Variants in UGT1A9 observed in about 807,000 individuals in gnomAD.
The protein encoded by UGT1A9 is UDP glucuronosyltransferase family 1 member A9.
Under a neutral mutation model 45.0 loss-of-function variants are expected in UGT1A9, and 35 were observed. The ratio of observed to expected loss-of-function variants is 0.78; its 90% CI spans 0.59 to 1.03. UGT1A9 has a LOEUF of 1.03. UGT1A9 is among the 50% of genes least tolerant of loss of function. The pLI is 0.00. For synonymous variants in UGT1A9, 278 were observed against 250.6 expected, an observed-to-expected ratio of 1.11 and a Z score of -1.03; for missense variants, 687 against 666.6, an observed-to-expected ratio of 1.03 and a Z score of -0.34.
At chr2:233,674,164 T>C (rs1433240728) in intron 1 of UGT1A9, among the ~76,000 whole-genome samples, 3 of 152,194 alleles carry the variant, frequency 2.0e-5, no homozygotes, top group African/African-American at 7.2e-5. Flanking sequence ...GGTAACACAG[T>C]CATATTCTCT....
intron 1 of UGT1A9, among the ~76,000 whole-genome samples, chr2:233,689,674 A>G (rs1426137684): frequency 6.6e-6 from 1 of 152,186 alleles, no homozygotes; most frequent in Non-Finnish European, 1.5e-5. Flanking sequence ...AGAACAAAGA[A>G]TGGCTGTCAG....
At chr2:233,729,752 A>G in intron 1 of UGT1A9, 1 of 1,614,000 alleles carries the variant, frequency 6.2e-7, no homozygotes, top group African/African-American at 1.3e-5. Context: ...ACATTCATGC[A>G]AAGGGTCAAG....
intron 4 of UGT1A9, chr2:233,771,016 A>C (rs1281561140): frequency 2.0e-5 from 3 of 152,186 alleles, no homozygotes; most frequent in African/African-American, 7.2e-5. Flanking sequence ...AGCAGGAGCG[A>C]GAGAGAGTTG....
At chr2:233,714,970 A>G (rs1219636943) in intron 1 of UGT1A9, among the ~76,000 whole-genome samples, 1 of 152,130 alleles carries the variant, frequency 6.6e-6, no homozygotes, top group Non-Finnish European at 1.5e-5. Context: ...TCCACCTCCC[A>G]GGTTCAACTG....
At position 233,672,275 on chromosome 2, in the gene UGT1A9, A is replaced by G; in HGVS notation, c.341A>G (p.Asn114Ser). ...SIYSLLMGSY[N>S]DIFDLFFSNC... ...TATTCTCTATTAATGGGTTCATACA[A>G]TGACATTTTTGACTTATTTTTTTCA... The change falls in exon 1 of 5, where the codon AAT (asparagine) becomes AGT (serine). Residue 114 changes from asparagine (N) to serine (S), a missense_variant. Coordinates refer to ENST00000354728, the MANE Select transcript of UGT1A9 (RefSeq NM_021027.3). 1 of 1,613,916 alleles carries G rather than the reference A, an allele frequency of 6.2e-7. No individual in the cohort carries two copies. Among genetic ancestry groups the G allele is most frequent in the Non-Finnish European group, 8.5e-7 (1 of 1,179,824 alleles).
intron 1 of UGT1A9, among the ~76,000 whole-genome samples, chr2:233,710,360 T>C (rs1335672685): frequency 6.6e-6 from 1 of 152,254 alleles, no homozygotes; most frequent in Non-Finnish European, 1.5e-5. Flanking sequence ...AAAGCAGTTA[T>C]ACAATTTTAC....
intron 1 of UGT1A9, among the ~76,000 whole-genome samples, chr2:233,694,315 T>C (rs74562873): frequency 6.6e-6 from 1 of 151,936 alleles, no homozygotes; most frequent in Non-Finnish European, 1.5e-5. Flanking sequence ...TTTTTTTTTT[T>C]CCTTTTATGT....
At chr2:233,710,438 C>T (rs1483320270) in intron 1 of UGT1A9, among the ~76,000 whole-genome samples, 4 of 152,172 alleles carry the variant, frequency 2.6e-5, no homozygotes, top group African/African-American at 9.7e-5. Flanking sequence ...TATTTTTAGT[C>T]TTTTACATTT....
chr2:233,724,960 GCCGAGGTTGGCGGAT>G (rs567349076), intron 1 of UGT1A9, among the ~76,000 whole-genome samples: 4,803 of 144,840 alleles, frequency 0.033, 234 homozygotes, highest in African/African-American at 0.051. Context: ...ACCTCGGGAG[GCCGAGGTTGGCGGAT>G]CACTCGCGGT....
intron 1 of UGT1A9, among the ~76,000 whole-genome samples, chr2:233,675,505 A>G (rs1403446519): frequency 1.3e-5 from 2 of 152,190 alleles, no homozygotes; most frequent in African/African-American, 4.8e-5. Context: ...ATGGTTACAG[A>G]TAAATAAGAG....
At chr2:233,730,481 T>A (rs1335220137) in intron 1 of UGT1A9, among the ~76,000 whole-genome samples, 1 of 152,146 alleles carries the variant, frequency 6.6e-6, no homozygotes, top group Non-Finnish European at 1.5e-5. Context: ...GGCACTCACA[T>A]GAAATAGAAG....
intron 1 of UGT1A9, among the ~76,000 whole-genome samples, chr2:233,716,593 A>G (rs17874943): frequency 0.1 from 15,436 of 152,206 alleles, 900 homozygotes; most frequent in East Asian, 0.2. Flanking sequence ...AAGAGCAAAA[A>G]TTTTAGAATT....
In UGT1A9 at chr2:233,769,857, CAA is replaced by C. The variant is rs879204025; in HGVS notation, c.1295+1434_1295+1435del. The C allele has an allele frequency of 0.032, 7,144 of 220,908 alleles. No individual in the cohort carries two copies. The highest frequency in any genetic ancestry group is 0.048 in the South Asian group (428 of 8,924). The allele number at this position is 220,908 out of a possible 1,614,324, so 13.7% of individuals were successfully genotyped here. Reference sequence around the variant, plus strand: ...TGGGCAACAGAGTGAGACCCTGTCTCAAAAAAAAAAAAAAAAATGAAAAGTCC... The same window carrying C: ...TGGGCAACAGAGTGAGACCCTGTCTCAAAAAAAAAAAAAAATGAAAAGTCC... On this transcript the variant is annotated intron_variant, in intron 4 of 4. Transcript: ENST00000354728. The surrounding 1 kb of genome is among the most constrained non-coding windows in gnomAD (Gnocchi z 4.4).
At chr2:233,772,125 C>T in intron 4 of UGT1A9, 137 bp from the exon 5 acceptor site, 1 of 1,536,166 alleles carries the variant, frequency 6.5e-7, no homozygotes, top group South Asian at 1.2e-5. Flanking sequence ...AAAACAACAA[C>T]AACAACAATA....
rs372029333 is a variant in UGT1A9 at position 233,691,097 on chromosome 2, C to T, written c.855+18308C>T. On this transcript the variant is annotated intron_variant, in intron 1 of 4. Coordinates refer to ENST00000354728, the MANE Select transcript of UGT1A9 (RefSeq NM_021027.3). Reference sequence around the variant, plus strand: ...TGAAGTTTGTAGCATCTCTTGATCCCGCTATTCCTACATGCTTGCTTAAGC... The same window carrying T: ...TGAAGTTTGTAGCATCTCTTGATCCTGCTATTCCTACATGCTTGCTTAAGC... 6.7e-5 allele frequency: 66 copies of T among 986,082 alleles called. No individual in the cohort carries two copies. In the East Asian group the frequency reaches 2.2e-3, roughly 32 times the overall value. The allele number at this position is 986,082 out of a possible 1,614,324, so 61.1% of individuals were successfully genotyped here.
At chr2:233,690,467 C>T in intron 1 of UGT1A9, 1 of 1,289,274 alleles carries the variant, frequency 7.8e-7, no homozygotes, top group Non-Finnish European at 1.0e-6. Context: ...AGCTATCCTC[C>T]ATTTACTTTT....
intron 1 of UGT1A9, among the ~76,000 whole-genome samples, chr2:233,726,630 ATC>A (rs1038498407): frequency 3.9e-5 from 6 of 152,270 alleles, no homozygotes; most frequent in African/African-American, 1.2e-4. Context: ...ACCCAGGACA[ATC>A]TCCCCATCTT....
intron 1 of UGT1A9, chr2:233,752,588 C>T (rs1160790573): frequency 1.3e-5 from 2 of 152,108 alleles, no homozygotes; most frequent in African/African-American, 4.8e-5. Flanking sequence ...CCCATCTCTA[C>T]AAGATTTTTT....
At chr2:233,718,130 T>TCTA in intron 1 of UGT1A9, 1 of 281,256 alleles carries the variant, frequency 3.6e-6, no homozygotes, top group Non-Finnish European at 7.1e-6. Context: ...ATGGTGTAGA[T>TCTA]GGAGAATCCT....
Sources: allele counts gnomAD v4.1 joint callset (sites outside exome capture counted in the v4.1 genomes callset), GRCh38; gene constraint gnomAD v4.1.1; non-coding constraint Gnocchi (gnomAD v3.1); transcripts MANE v1.5; gene names NCBI Gene and HGNC (gene_info 2026-07-23, HGNC 2026-07-21).